The following PRDM16 variants were observed in gnomAD, a reference collection of about 807,000 sequenced individuals.
PRDM16 encodes the protein histone-lysine N-methyltransferase PRDM16.
Under a neutral mutation model 110.6 loss-of-function variants are expected in PRDM16, and 23 were observed. The observed-to-expected ratio is 0.21, with a 90% CI of 0.15 to 0.29. PRDM16 has a LOEUF of 0.29. PRDM16 is among the 10% of genes least tolerant of loss of function. The probability of loss-of-function intolerance (pLI) is 1.00; values close to 1 mark genes in which losing one functional copy is unlikely to be tolerated. For synonymous variants in PRDM16, 799 were observed against 781.8 expected (o/e 1.02, Z -0.37); for missense variants, 1,615 against 1,794.3 (o/e 0.90, Z 1.81).
At chr1:3,140,520 C>T (rs534751321) in intron 1 of PRDM16, among the ~76,000 whole-genome samples, 45 of 152,314 alleles carry the variant, frequency 3.0e-4, no homozygotes, top group African/African-American at 8.9e-4. Flanking sequence ...TCCACTCCCT[C>T]GCTGATGTGT....
chr1:3,264,936 A>C (rs942991786), intron 3 of PRDM16, among the ~76,000 whole-genome samples: 2 of 152,108 alleles, frequency 1.3e-5, no homozygotes, highest in African/African-American at 4.8e-5. Context: ...AGCCCAGGGC[A>C]AGGGACTGGG....
At chr1:3,088,457 T>G (rs1437558436) in intron 1 of PRDM16, among the ~76,000 whole-genome samples, 2 of 150,338 alleles carry the variant, frequency 1.3e-5, no homozygotes, top group Non-Finnish European at 3.0e-5. Flanking sequence ...TATTATTTAT[T>G]TATTTATTTA....
In PRDM16 at chr1:3,114,947, G is replaced by T. The variant is rs538577394; in HGVS notation, c.37+45651G>T. Among the ~76,000 whole-genome samples, 65 of 152,390 alleles carry T rather than the reference G, an allele frequency of 4.3e-4. 1 individual carries two copies. The highest frequency in any genetic ancestry group is 1.4e-3 in the African/African-American group (59 of 41,592). On this transcript the variant is annotated intron_variant, in intron 1 of 16. Transcript: ENST00000270722. ...GGCGCCTCCCTGCACACTTGGCCAAGGCCTCCTTCTCCTCTGACCTCGCCC... is the reference window on the plus strand; with the variant it reads ...GGCGCCTCCCTGCACACTTGGCCAATGCCTCCTTCTCCTCTGACCTCGCCC...
At chr1:3,109,083 AAATAATAATAAT>A (rs61356047) in intron 1 of PRDM16, among the ~76,000 whole-genome samples, 38 of 145,404 alleles carry the variant, frequency 2.6e-4, no homozygotes, top group East Asian at 8.2e-4. Context: ...CTCCATCTCA[AAATAATAATAAT>A]AATAATAATA....
chr1:3,354,162 T>C (rs1017439415), intron 3 of PRDM16, among the ~76,000 whole-genome samples: 2 of 152,200 alleles, frequency 1.3e-5, no homozygotes, highest in Non-Finnish European at 2.9e-5. Context: ...ACGCTGCAGA[T>C]AAAGAACCAT....
intron 3 of PRDM16, among the ~76,000 whole-genome samples, chr1:3,295,306 G>A (rs748946329): frequency 6.6e-6 from 1 of 152,172 alleles, no homozygotes; most frequent in Non-Finnish European, 1.5e-5. Flanking sequence ...TTAAATGAGG[G>A]TGCAGCTCAT....
At chr1:3,158,891 C>T (rs1643878194) in intron 1 of PRDM16, among the ~76,000 whole-genome samples, 3 of 151,994 alleles carry the variant, frequency 2.0e-5, no homozygotes, top group South Asian at 4.1e-4. Flanking sequence ...CTCCCTGCCC[C>T]AACCTCCCGA....
At chr1:3,377,295 T>G (rs116040130) in intron 3 of PRDM16, among the ~76,000 whole-genome samples, 2,635 of 152,138 alleles carry the variant, frequency 0.017, 82 homozygotes, top group African/African-American at 0.06. Flanking sequence ...CCAGGGCTCC[T>G]CTCCTCCCTG....
At chr1:3,226,282 G>A (rs1639287190) in intron 2 of PRDM16, among the ~76,000 whole-genome samples, 1 of 152,202 alleles carries the variant, frequency 6.6e-6, no homozygotes. Flanking sequence ...AACACCGAGG[G>A]GCACACGGGG....
intron 3 of PRDM16, among the ~76,000 whole-genome samples, chr1:3,293,660 G>A (rs1164208753): frequency 6.6e-6 from 1 of 152,254 alleles, no homozygotes; most frequent in African/African-American, 2.4e-5. Flanking sequence ...CTGAGTAAGT[G>A]GTTGTCTCGG....
chr1:3,388,161 C>T (rs1643234001), intron 4 of PRDM16, among the ~76,000 whole-genome samples: 1 of 152,230 alleles, frequency 6.6e-6, no homozygotes, highest in South Asian at 2.1e-4. Context: ...ATACTAATGC[C>T]ATTTCTCAGA....
At position 3,358,226 on chromosome 1, in the gene PRDM16, A is replaced by T. The variant is rs1642646374; in HGVS notation, c.439-26926A>T. 6.6e-6 allele frequency among the ~76,000 whole-genome samples: 1 copy of T among 152,170 alleles called. No individual in the cohort carries two copies. Among genetic ancestry groups the T allele is most frequent in the Non-Finnish European group, 1.5e-5 (1 of 68,024 alleles). On this transcript the variant is annotated intron_variant, in intron 3 of 16. Transcript: ENST00000270722. This position sits in a 1 kb window ranked among gnomAD's most constrained non-coding sequence, Gnocchi z 4.0. Reference sequence around the variant, plus strand: ...GGGAAGTTTGTCTTCCTCCCTGTACACAGATAAAGTCACCATGAGACTCCC... The same window carrying T: ...GGGAAGTTTGTCTTCCTCCCTGTACTCAGATAAAGTCACCATGAGACTCCC...
intron 3 of PRDM16, among the ~76,000 whole-genome samples, chr1:3,304,665 G>A (rs942214185): frequency 5.9e-5 from 9 of 152,200 alleles, no homozygotes; most frequent in African/African-American, 2.2e-4. Flanking sequence ...ATTGATGACA[G>A]CGCAAATAAG....
intron 1 of PRDM16, among the ~76,000 whole-genome samples, chr1:3,138,542 G>T (rs954552968): frequency 6.6e-6 from 1 of 152,234 alleles, no homozygotes; most frequent in Non-Finnish European, 1.5e-5. Context: ...TGCTGCCGGT[G>T]ACATACCTGC....
chr1:3,334,621 G>C (rs1394624916), intron 3 of PRDM16, among the ~76,000 whole-genome samples: 4 of 152,258 alleles, frequency 2.6e-5, no homozygotes, highest in African/African-American at 9.6e-5. Context: ...GCTGTGCCCA[G>C]TGGAGGAGAC....
At chr1:3,133,216 G>GC (rs1643370002) in intron 1 of PRDM16, 1 of 152,262 alleles carries the variant, frequency 6.6e-6, no homozygotes, top group Non-Finnish European at 1.5e-5. Flanking sequence ...AGGAGCTGCA[G>GC]GAAGACCAGG....
chr1:3,264,071 G>A (rs1042728492), intron 3 of PRDM16, among the ~76,000 whole-genome samples: 1 of 152,206 alleles, frequency 6.6e-6, no homozygotes, highest in Non-Finnish European at 1.5e-5. Flanking sequence ...AGGTTTCCAA[G>A]GCCAAGGCTG....
At chr1:3,235,698 A>G (rs1018098358) in intron 2 of PRDM16, among the ~76,000 whole-genome samples, 3 of 152,176 alleles carry the variant, frequency 2.0e-5, no homozygotes, top group Non-Finnish European at 1.5e-5. Context: ...GCTCCGCCTG[A>G]CATGGGGGAA....
In PRDM16 at chr1:3,299,788, G is replaced by A. The variant is rs570844208; in HGVS notation, c.438+55651G>A. On this transcript the variant is annotated intron_variant, in intron 3 of 16. Transcript: ENST00000270722. ...TGGTTGAAGATGCTATGCTGTGGCTGTGATGTTTCAGATCCCAGTCGTGGT... is the reference window on the plus strand; with the variant it reads ...TGGTTGAAGATGCTATGCTGTGGCTATGATGTTTCAGATCCCAGTCGTGGT... Among the ~76,000 whole-genome samples, 5 of 81,896 alleles carry A rather than the reference G, an allele frequency of 6.1e-5. No individual in the cohort carries two copies. In the East Asian group the frequency reaches 2.7e-3, roughly 44 times the overall value. The allele number at this position is 81,896 out of a possible 152,430, so 53.7% of individuals were successfully genotyped here. A position where few individuals can be genotyped will look rare whatever the true frequency, so the allele number is the denominator to read the frequency against.
Sources: gnomAD v4.1 joint callset for allele counts (sites outside exome capture counted in the v4.1 genomes callset) on GRCh38, gnomAD v4.1.1 for gene constraint, Gnocchi (gnomAD v3.1) non-coding constraint, MANE v1.5 for transcripts, NCBI Gene and HGNC (gene_info 2026-07-23, HGNC 2026-07-21) for gene names.